Variants in PCDHA1 observed in about 807,000 individuals in gnomAD.
The protein encoded by PCDHA1 is protocadherin alpha 1.
In PCDHA1, 42 loss-of-function variants were observed where a neutral mutation model predicts 61.3. The ratio of observed to expected loss-of-function variants is 0.69; its 90% CI spans 0.54 to 0.89. The LOEUF is 0.89. PCDHA1 is among the 40% of genes least tolerant of loss of function. The pLI, the probability that PCDHA1 is intolerant of heterozygous loss-of-function variation, is 0.00. For synonymous variants in PCDHA1, 610 were observed against 553.8 expected (o/e 1.10, Z -1.43); for missense variants, 1,256 against 1,235.3 (o/e 1.02, Z -0.25).
chr5:140,886,603 G>A lies in PCDHA1; in HGVS notation c.2395-92346G>A, dbSNP rs781862855. Among the ~76,000 whole-genome samples, 8 of 152,090 alleles carry A rather than the reference G, an allele frequency of 5.3e-5. No individual in the cohort carries two copies. The East Asian group carries it at 1.2e-3, about 22-fold the overall frequency. ...AGCACTTTGGGAGGCCAAGGTGGGCGGATCAGGAGATCAGGAGTCCGAGAC... is the reference window on the plus strand; with the variant it reads ...AGCACTTTGGGAGGCCAAGGTGGGCAGATCAGGAGATCAGGAGTCCGAGAC... On this transcript the variant is annotated intron_variant, in intron 1 of 3. Coordinates refer to ENST00000504120, the MANE Select transcript of PCDHA1 (RefSeq NM_018900.4).
chr5:140,842,117 G>A, intron 1 of PCDHA1: 4 of 1,613,862 alleles, frequency 2.5e-6, no homozygotes, highest in Non-Finnish European at 3.4e-6. Context: ...CAAACTGAAT[G>A]CTTCTGATCC....
intron 1 of PCDHA1, among the ~76,000 whole-genome samples, chr5:140,818,668 C>T (rs1766413932): frequency 6.6e-6 from 1 of 152,138 alleles, no homozygotes; most frequent in Non-Finnish European, 1.5e-5. Flanking sequence ...GAGACTCCAT[C>T]TTTACAAAAA....
chr5:140,871,382 A>C (rs781900960), intron 1 of PCDHA1: 1 of 1,614,070 alleles, frequency 6.2e-7, no homozygotes, highest in South Asian at 1.1e-5. Context: ...GTGTGCTCTG[A>C]GGAGGGCCCA....
intron 1 of PCDHA1, among the ~76,000 whole-genome samples, chr5:140,791,720 T>C (rs1761673158): frequency 1.3e-5 from 2 of 152,234 alleles, no homozygotes; most frequent in African/African-American, 2.4e-5. Flanking sequence ...TTCTTTTTCT[T>C]AAATATAAAA....
intron 1 of PCDHA1, chr5:140,967,162 C>T (rs782524334): frequency 1.9e-6 from 3 of 1,610,776 alleles, no homozygotes; most frequent in Non-Finnish European, 2.5e-6. Context: ...TGGCGGTGAG[C>T]GCCGTTGAGG....
At chr5:140,967,442 G>T in intron 1 of PCDHA1, 1 of 1,613,600 alleles carries the variant, frequency 6.2e-7, no homozygotes, top group Non-Finnish European at 8.5e-7. Context: ...GCACCACCTG[G>T]TTCTCACAGC....
At chr5:140,841,992 G>T (rs782125762) in intron 1 of PCDHA1, 1 of 1,613,646 alleles carries the variant, frequency 6.2e-7, no homozygotes, top group African/African-American at 1.3e-5. Context: ...GAGCTCACAG[G>T]CACTGTTCAG....
rs1761450833 is a variant in PCDHA1 at position 140,788,236 on chromosome 5, T to C, written c.1946T>C (p.Val649Ala). 6.2e-7 allele frequency: 1 copy of C among 1,613,888 alleles called. No homozygotes were observed. The highest frequency in any genetic ancestry group is 1.3e-5 in the African/African-American group (1 of 74,932). Residue 649 changes from valine (V) to alanine (A), a missense_variant, in exon 1 of 4, where the codon GTG becomes GCG. Physicochemically the swap from Val to Ala is moderately conservative, Grantham distance 64. Coordinates refer to ENST00000504120, the MANE Select transcript of PCDHA1 (RefSeq NM_018900.4). ...GACTTGTCGCGCTACCGCCTTCTGGTGCTAGTGAAGGATCACGGTGAGCCG... is the reference window on the plus strand; with the variant it reads ...GACTTGTCGCGCTACCGCCTTCTGGCGCTAGTGAAGGATCACGGTGAGCCG... The part of the protein sequence containing the change: ...EADLSRYRLL[V>A]LVKDHGEPAL...
chr5:140,914,302 A>G (rs1168032612), intron 1 of PCDHA1, among the ~76,000 whole-genome samples: 4 of 152,144 alleles, frequency 2.6e-5, no homozygotes, highest in African/African-American at 9.7e-5. Context: ...CTCTTGCTGA[A>G]TTGACCCCAT....
At chr5:140,888,260 A>G (rs563968634) in intron 1 of PCDHA1, among the ~76,000 whole-genome samples, 1 of 152,194 alleles carries the variant, frequency 6.6e-6, no homozygotes, top group South Asian at 2.1e-4. Flanking sequence ...GTAGTTCTTG[A>G]TAAGAAACAG....
intron 1 of PCDHA1, among the ~76,000 whole-genome samples, chr5:140,940,372 A>G (rs1173605569): frequency 1.3e-5 from 2 of 151,970 alleles, no homozygotes; most frequent in Admixed American, 6.6e-5. Flanking sequence ...GTATTCCTTG[A>G]GTTGTTAATT....
intron 1 of PCDHA1, chr5:140,850,881 A>G (rs2041865232): frequency 1.3e-6 from 2 of 1,586,312 alleles, no homozygotes; most frequent in African/African-American, 1.4e-5. Context: ...CTCAGATTCA[A>G]CTGGGAAGGT....
intron 1 of PCDHA1, chr5:140,834,783 C>G (rs2150226514): frequency 3.1e-6 from 5 of 1,613,810 alleles, no homozygotes; most frequent in Non-Finnish European, 4.2e-6. Flanking sequence ...TCCGGTGTTC[C>G]CAGCGACACA....
At chr5:140,801,911 C>T in intron 1 of PCDHA1, 1 of 1,614,176 alleles carries the variant, frequency 6.2e-7, no homozygotes, top group South Asian at 1.1e-5. Flanking sequence ...TAAACGACAA[C>T]GCCCCAGCGT....
chr5:140,838,890 A>G (rs1775934707), intron 1 of PCDHA1, among the ~76,000 whole-genome samples: 1 of 152,012 alleles, frequency 6.6e-6, no homozygotes, highest in Non-Finnish European at 1.5e-5. Context: ...ACTCCAGCCT[A>G]GGTGACAGAG....
intron 1 of PCDHA1, chr5:140,796,703 TGGTGCCGTGGTCGGTG>T: frequency 6.2e-7 from 1 of 1,613,988 alleles, no homozygotes; most frequent in Non-Finnish European, 8.5e-7. Context: ...GTGAGTGAGC[TGGTGCCGTGGTCGGTG>T]GGTGCAGGGC....
At chr5:140,981,630 A>G (rs1299640748) in intron 2 of PCDHA1, among the ~76,000 whole-genome samples, 1 of 152,110 alleles carries the variant, frequency 6.6e-6, no homozygotes, top group East Asian at 1.9e-4. Flanking sequence ...GTTTTCTTGG[A>G]CATTTTCTCT....
intron 1 of PCDHA1, among the ~76,000 whole-genome samples, chr5:140,820,965 T>A (rs1417845023): frequency 6.6e-6 from 1 of 152,098 alleles, no homozygotes; most frequent in Non-Finnish European, 1.5e-5. Context: ...TTTGAGTCAA[T>A]ACAAAAAGTA....
intron 1 of PCDHA1, chr5:140,828,080 G>C (rs2150150678): frequency 6.3e-7 from 1 of 1,580,098 alleles, no homozygotes; most frequent in Non-Finnish European, 8.6e-7. Flanking sequence ...AATAAAACCA[G>C]AGGTATTTGA....
Sources: allele counts gnomAD v4.1 joint callset (sites outside exome capture counted in the v4.1 genomes callset), GRCh38; gene constraint gnomAD v4.1.1; transcripts MANE v1.5; gene names NCBI Gene and HGNC (gene_info 2026-07-23, HGNC 2026-07-21).